HS3ST4: variants seen among roughly 807,000 people sequenced by gnomAD.
HS3ST4 encodes heparan sulfate glucosamine 3-O-sulfotransferase 4.
HS3ST4 carries 17 observed loss-of-function variants against 29.2 expected under a neutral mutation model. The observed-to-expected ratio is 0.58, with a 90% CI of 0.40 to 0.87. The LOEUF (loss-of-function observed/expected upper bound fraction) is 0.87, where lower values mean the gene tolerates loss of function less well. Ranked by LOEUF, HS3ST4 falls within the 40% of genes least tolerant of loss-of-function variation. HS3ST4 has a pLI of 0.00. For missense variants in HS3ST4, 627 were observed against 634.5 expected, an observed-to-expected ratio of 0.99 and a Z score of 0.13; for synonymous variants, 314 against 285.7, an observed-to-expected ratio of 1.10 and a Z score of -1.00.
chr16:26,098,200 G>A (rs1045842728), intron 1 of HS3ST4, among the ~76,000 whole-genome samples: 5 of 152,182 alleles, frequency 3.3e-5, no homozygotes, highest in African/African-American at 1.2e-4. Context: ...TCTAGAACTA[G>A]AAATACCATT....
At chr16:26,037,984 T>C (rs1969598741) in intron 1 of HS3ST4, among the ~76,000 whole-genome samples, 1 of 152,116 alleles carries the variant, frequency 6.6e-6, no homozygotes, top group Non-Finnish European at 1.5e-5. Flanking sequence ...GTCAAAAGCC[T>C]CCAATGACTC....
chr16:25,790,687 T>C (rs905818037), intron 1 of HS3ST4, among the ~76,000 whole-genome samples: 3 of 152,208 alleles, frequency 2.0e-5, no homozygotes, highest in African/African-American at 7.2e-5. Context: ...GGCTGTACAA[T>C]GTACTCTCTC....
In HS3ST4 at chr16:26,064,471, G is replaced by A. The variant is rs118130232; in HGVS notation, c.735-71141G>A. Among the ~76,000 whole-genome samples the A allele has an allele frequency of 5.0e-3, 761 of 152,212 alleles. 7 individuals are homozygous for A. Among genetic ancestry groups the A allele is most frequent in the Non-Finnish European group, 8.8e-3 (597 of 68,008 alleles). ...CACGCAGATGTCATGGAGGATTTAG[G>A]CACTGGTGGGAAAAACACAGGGTAC... is the stretch of plus-strand genomic sequence containing the variant. On this transcript the variant is annotated intron_variant, in intron 1 of 1. Coordinates refer to ENST00000331351, the MANE Select transcript of HS3ST4 (RefSeq NM_006040.3).
At chr16:25,909,414 C>G (rs1159439898) in intron 1 of HS3ST4, among the ~76,000 whole-genome samples, 1 of 152,104 alleles carries the variant, frequency 6.6e-6, no homozygotes, top group African/African-American at 2.4e-5. Flanking sequence ...GTCTTGAGCT[C>G]CTGGACATGC....
intron 1 of HS3ST4, among the ~76,000 whole-genome samples, chr16:25,849,462 G>A (rs764944993): frequency 6.6e-6 from 1 of 152,076 alleles, no homozygotes; most frequent in Non-Finnish European, 1.5e-5. Context: ...GTTATTTGAT[G>A]AATAACTTTT....
At chr16:26,045,460 G>A (rs1898252652) in intron 1 of HS3ST4, among the ~76,000 whole-genome samples, 1 of 152,124 alleles carries the variant, frequency 6.6e-6, no homozygotes. Flanking sequence ...TTGGGATTCG[G>A]TTTGGGAAAT....
At chr16:25,782,555 A>G (rs1596569252) in intron 1 of HS3ST4, among the ~76,000 whole-genome samples, 2 of 152,326 alleles carry the variant, frequency 1.3e-5, no homozygotes, top group African/African-American at 4.8e-5. Context: ...ATCAGGTTGC[A>G]CTGGATACCC....
intron 1 of HS3ST4, among the ~76,000 whole-genome samples, chr16:26,111,692 T>A (rs942396611): frequency 4.6e-4 from 70 of 152,302 alleles, no homozygotes; most frequent in African/African-American, 1.6e-3. Context: ...ATATCCTTTT[T>A]AATACATATT....
At chr16:26,042,019 A>C (rs1969640147) in intron 1 of HS3ST4, among the ~76,000 whole-genome samples, 2 of 152,188 alleles carry the variant, frequency 1.3e-5, no homozygotes, top group African/African-American at 4.8e-5. Flanking sequence ...AGAATCACTG[A>C]TCTACTGATG....
At chr16:25,823,740 T>A (rs1230139922) in intron 1 of HS3ST4, among the ~76,000 whole-genome samples, 1 of 152,034 alleles carries the variant, frequency 6.6e-6, no homozygotes, top group East Asian at 1.9e-4. Context: ...TATTTTGTAT[T>A]TTTAGTAGAG....
At chr16:25,810,235 T>G (rs1967029627) in intron 1 of HS3ST4, among the ~76,000 whole-genome samples, 1 of 152,160 alleles carries the variant, frequency 6.6e-6, no homozygotes, top group African/African-American at 2.4e-5. Flanking sequence ...TTTAGAAGTG[T>G]GGTGTTTAAT....
At chr16:25,717,068 A>T (rs1355093284) in intron 1 of HS3ST4, among the ~76,000 whole-genome samples, 2 of 151,768 alleles carry the variant, frequency 1.3e-5, no homozygotes, top group Non-Finnish European at 2.9e-5. Context: ...AAAAAAAGGG[A>T]GGCAGGGAGG....
chr16:25,873,168 A>C (rs529021442), intron 1 of HS3ST4, among the ~76,000 whole-genome samples: 14 of 151,082 alleles, frequency 9.3e-5, no homozygotes, highest in African/African-American at 3.2e-4. Flanking sequence ...CCCATCACCC[A>C]CACACACATT....
chr16:25,941,097 A>G (rs1968567034), intron 1 of HS3ST4, among the ~76,000 whole-genome samples: 1 of 152,080 alleles, frequency 6.6e-6, no homozygotes, highest in African/African-American at 2.4e-5. Flanking sequence ...ATTGAGACCA[A>G]AATAGTTCCT....
chr16:25,964,428 T>TGATGAGAG (rs1361337196), intron 1 of HS3ST4, among the ~76,000 whole-genome samples: 1 of 152,140 alleles, frequency 6.6e-6, no homozygotes. Context: ...CCAAACCCTC[T>TGATGAGAG]CATCATGAAA....
chr16:25,748,487 T>G (rs1966698948), intron 1 of HS3ST4, among the ~76,000 whole-genome samples: 2 of 152,194 alleles, frequency 1.3e-5, no homozygotes, highest in Non-Finnish European at 2.9e-5. Context: ...TCACATATTA[T>G]GCAAACATTA....
intron 1 of HS3ST4, among the ~76,000 whole-genome samples, chr16:25,795,980 T>C (rs16975223): frequency 0.014 from 2,085 of 152,210 alleles, 54 homozygotes; most frequent in African/African-American, 0.048. Flanking sequence ...GATTTCTTAG[T>C]CTTCTCCCCT....
At chr16:25,786,072 C>G (rs1325573551) in intron 1 of HS3ST4, among the ~76,000 whole-genome samples, 1 of 152,098 alleles carries the variant, frequency 6.6e-6, no homozygotes, top group East Asian at 1.9e-4. Context: ...ATGAATAATA[C>G]TGTTTCCTGA....
At chr16:26,124,821 C>G (rs956643650) in intron 1 of HS3ST4, among the ~76,000 whole-genome samples, 8 of 152,180 alleles carry the variant, frequency 5.3e-5, no homozygotes, top group Non-Finnish European at 5.9e-5. Flanking sequence ...TCCTCTTTAT[C>G]CTCATTTGAG....
Sources: gnomAD v4.1 joint callset for allele counts (sites outside exome capture counted in the v4.1 genomes callset) on GRCh38, gnomAD v4.1.1 for gene constraint, MANE v1.5 for transcripts, NCBI Gene and HGNC (gene_info 2026-07-23, HGNC 2026-07-21) for gene names.